Variants in AKAP13 observed in about 807,000 individuals in gnomAD.
The protein encoded by AKAP13 is A-kinase anchor protein 13.
Under a neutral mutation model 264.5 loss-of-function variants are expected in AKAP13, and 80 were observed. The ratio of observed to expected loss-of-function variants is 0.30; its 90% CI spans 0.25 to 0.36. AKAP13 has a LOEUF of 0.36. Ranked by LOEUF, AKAP13 falls within the 10% of genes least tolerant of loss-of-function variation. The pLI, the probability that AKAP13 is intolerant of heterozygous loss-of-function variation, is 1.00. For synonymous variants in AKAP13, 1,380 were observed against 1,250.2 expected (o/e 1.10, Z -2.19); for missense variants, 3,712 against 3,435.2 (o/e 1.08, Z -2.01).
At chr15:85,542,710 C>T (rs560150432) in intron 4 of AKAP13, among the ~76,000 whole-genome samples, 1 of 152,136 alleles carries the variant, frequency 6.6e-6, no homozygotes, top group East Asian at 1.9e-4. Flanking sequence ...TCCTGTCATC[C>T]TAGGTTGGGC....
chr15:85,602,516 T>C (rs2080133537), intron 8 of AKAP13, among the ~76,000 whole-genome samples: 1 of 151,798 alleles, frequency 6.6e-6, no homozygotes, highest in South Asian at 2.1e-4. Flanking sequence ...AAACGGAGTC[T>C]TGCTCTGTCA....
chr15:85,701,892 C>T (rs1382851437), intron 17 of AKAP13, among the ~76,000 whole-genome samples: 1 of 152,120 alleles, frequency 6.6e-6, no homozygotes, highest in Admixed American at 6.5e-5. Flanking sequence ...GAAATAGTCT[C>T]AACATCTGGT....
At chr15:85,433,736 C>T (rs1391998872) in intron 1 of AKAP13, among the ~76,000 whole-genome samples, 1 of 151,884 alleles carries the variant, frequency 6.6e-6, no homozygotes, top group Non-Finnish European at 1.5e-5. Flanking sequence ...GTGGGTGGAT[C>T]ACCGAGACCA....
chr15:85,410,521 C>G (rs2071910779), intron 1 of AKAP13, among the ~76,000 whole-genome samples: 1 of 151,610 alleles, frequency 6.6e-6, no homozygotes, highest in Non-Finnish European at 1.5e-5. Context: ...TTGACCTTAA[C>G]CCCCCTTTGC....
In AKAP13 at chr15:85,677,512, G is replaced by A. The variant is rs551934841; in HGVS notation, c.5102-4646G>A. Among the ~76,000 whole-genome samples the A allele has an allele frequency of 3.3e-5, 5 of 152,258 alleles. No homozygotes were observed. In the East Asian group the frequency reaches 9.6e-4, roughly 29 times the overall value. The stretch of plus-strand genomic sequence containing the variant: ...GGGACAGATATCTAGATGTTCATCT[G>A]TGGTGTTTAAAAGCTATTGTTACAC... On this transcript the variant is annotated intron_variant, in intron 14 of 36. Coordinates refer to ENST00000394518, the MANE Select transcript of AKAP13 (RefSeq NM_007200.5).
intron 14 of AKAP13, among the ~76,000 whole-genome samples, chr15:85,675,509 A>G (rs903308760): frequency 2.6e-5 from 4 of 152,222 alleles, no homozygotes; most frequent in Admixed American, 1.3e-4. Context: ...GTGTCTATCC[A>G]GTAAATATTT....
intron 1 of AKAP13, among the ~76,000 whole-genome samples, chr15:85,447,678 A>G (rs1023858372): frequency 3.3e-5 from 5 of 152,172 alleles, no homozygotes; most frequent in African/African-American, 4.8e-5. Context: ...AGCTTCATCC[A>G]TGTTCCCAGA....
At chr15:85,521,068 T>C (rs2076805902) in intron 2 of AKAP13, among the ~76,000 whole-genome samples, 1 of 152,214 alleles carries the variant, frequency 6.6e-6, no homozygotes, top group Non-Finnish European at 1.5e-5. Context: ...CCCTCCATCC[T>C]CTCTGCCTTA....
intron 1 of AKAP13, among the ~76,000 whole-genome samples, chr15:85,484,893 A>G (rs999584949): frequency 6.6e-6 from 1 of 152,124 alleles, no homozygotes; most frequent in Non-Finnish European, 1.5e-5. Flanking sequence ...TCATTTACCT[A>G]TTGTGAGTAA....
At position 85,746,277 on chromosome 15, in the gene AKAP13, ATTTGT is replaced by A. The variant is rs1555467120; in HGVS notation, c.*1604_*1608del. On this transcript the variant is annotated 3_prime_UTR_variant, in exon 37 of 37. Transcript: ENST00000394518. ...GTCTGGTTTAAAATTTGTAGCCTAC[ATTTGT>A]TTTATTTATTGTATTTGTGTGTTTG... 1 of 152,372 alleles carries A rather than the reference ATTTGT, an allele frequency of 6.6e-6. No individual in the cohort carries two copies. Among genetic ancestry groups the A allele is most frequent in the Non-Finnish European group, 1.5e-5 (1 of 67,982 alleles). 9.4% of individuals were successfully genotyped at this position (152,372 alleles called of 1,614,324 possible).
chr15:85,731,956 G>A (rs556523733), intron 30 of AKAP13, among the ~76,000 whole-genome samples: 17 of 151,962 alleles, frequency 1.1e-4, no homozygotes, highest in East Asian at 1.9e-4. Flanking sequence ...GGTGACATGC[G>A]GCTGTAGTCC....
At chr15:85,690,864 G>C (rs2151632755) in intron 16 of AKAP13, among the ~76,000 whole-genome samples, 1 of 152,256 alleles carries the variant, frequency 6.6e-6, no homozygotes, top group African/African-American at 2.4e-5. Context: ...GGCCTCAAAT[G>C]CATTATTAAA....
chr15:85,430,001 T>C (rs141132466), intron 1 of AKAP13, among the ~76,000 whole-genome samples: 97 of 152,370 alleles, frequency 6.4e-4, no homozygotes, highest in African/African-American at 2.2e-3. Flanking sequence ...TTAATGGATT[T>C]AGGCAGAATG....
At chr15:85,690,956 G>C (rs1235462355) in intron 16 of AKAP13, among the ~76,000 whole-genome samples, 2 of 152,172 alleles carry the variant, frequency 1.3e-5, no homozygotes, top group Non-Finnish European at 2.9e-5. Context: ...GAAAATACAT[G>C]TAAATTGCTT....
intron 35 of AKAP13, 147 bp downstream of exon 35, chr15:85,741,642 G>C: frequency 1.6e-6 from 2 of 1,268,112 alleles, no homozygotes; most frequent in Non-Finnish European, 2.0e-6. Context: ...TTAGGAGGCT[G>C]AGGTGAGAGG....
At chr15:85,470,290 A>T (rs945098249) in intron 1 of AKAP13, among the ~76,000 whole-genome samples, 11 of 152,290 alleles carry the variant, frequency 7.2e-5, no homozygotes, top group African/African-American at 2.4e-4. Context: ...ACTCTGTCTC[A>T]AAAAACCAAA....
intron 1 of AKAP13, among the ~76,000 whole-genome samples, chr15:85,431,138 T>C (rs982441093): frequency 3.9e-5 from 6 of 152,234 alleles, no homozygotes; most frequent in African/African-American, 1.4e-4. Flanking sequence ...ATAAATGTAT[T>C]ACTTCTCAGA....
At position 85,565,600 on chromosome 15, in the gene AKAP13, A is replaced by C. The variant is rs1291065051; in HGVS notation, c.663-9531A>C. Among the ~76,000 whole-genome samples, 7 of 152,242 alleles carry C rather than the reference A, an allele frequency of 4.6e-5. No homozygotes were observed. In the East Asian group the frequency reaches 1.2e-3, roughly 25 times the overall value. On this transcript the variant is annotated intron_variant, in intron 5 of 36. Transcript: ENST00000394518. ...GCTTCCAGTCAAGAGAATGCTGAGTAGTTATTTTACAAGTCTAAAGGAGAC... is the reference window on the plus strand; with the variant it reads ...GCTTCCAGTCAAGAGAATGCTGAGTCGTTATTTTACAAGTCTAAAGGAGAC...
At chr15:85,522,856 T>A (rs2076870192) in intron 3 of AKAP13, among the ~76,000 whole-genome samples, 1 of 151,836 alleles carries the variant, frequency 6.6e-6, no homozygotes, top group Non-Finnish European at 1.5e-5. Flanking sequence ...TCTCTCCTCT[T>A]AGCCACATTT....
Sources: gnomAD v4.1 joint callset for allele counts (sites outside exome capture counted in the v4.1 genomes callset) on GRCh38, gnomAD v4.1.1 for gene constraint, MANE v1.5 for transcripts, NCBI Gene and HGNC (gene_info 2026-07-23, HGNC 2026-07-21) for gene names.